CSMD3: variants seen among roughly 807,000 people sequenced by gnomAD.
CSMD3 encodes the protein CUB and sushi domain-containing protein 3.
In CSMD3, 177 loss-of-function variants were observed where a neutral mutation model predicts 435.2. The ratio of observed to expected loss-of-function variants is 0.41; its 90% CI spans 0.36 to 0.46. CSMD3 has a LOEUF of 0.46. CSMD3 is among the 20% of genes least tolerant of loss of function. The pLI, the probability that CSMD3 is intolerant of heterozygous loss-of-function variation, is 0.34. For synonymous variants in CSMD3, 1,656 were observed against 1,520.5 expected, an observed-to-expected ratio of 1.09 and a Z score of -2.07; for missense variants, 4,265 against 4,504.6, an observed-to-expected ratio of 0.95 and a Z score of 1.52.
intron 3 of CSMD3, among the ~76,000 whole-genome samples, chr8:113,210,173 C>A (rs1274258694): frequency 6.6e-6 from 1 of 151,976 alleles, no homozygotes. Flanking sequence ...CAAAAAAATC[C>A]TCTCTCTGAC....
rs2129724051 is a variant in CSMD3 at position 112,390,733 on chromosome 8, G to A, written c.5865C>T (p.Tyr1955=). The A allele has an allele frequency of 1.2e-6, 2 of 1,612,124 alleles. No homozygotes were observed. Among genetic ancestry groups the A allele is most frequent in the South Asian group, 2.2e-5 (2 of 91,040 alleles). Residue 1955 remains tyrosine, a synonymous_variant, in exon 36 of 71, where the codon TAC becomes TAT. Transcript: ENST00000297405. ...TCAGATTGTTGTCATAAGGCTCAGG[G>A]TATCCAGGTGACAAAATAGTCCCTT... The part of the protein sequence containing the change: ...KRKGTILSPG[Y]PEPYDNNLNC...
At chr8:113,092,417 C>T (rs1238221641) in intron 5 of CSMD3, among the ~76,000 whole-genome samples, 3 of 152,030 alleles carry the variant, frequency 2.0e-5, no homozygotes, top group Non-Finnish European at 4.4e-5. Flanking sequence ...GCTAGTTATC[C>T]TCTAACACCT....
chr8:112,908,900 CT>C (rs1234892456), intron 10 of CSMD3, among the ~76,000 whole-genome samples: 1 of 151,436 alleles, frequency 6.6e-6, no homozygotes, highest in Non-Finnish European at 1.5e-5. Flanking sequence ...TAGAAATAAA[CT>C]TTAGCTAGAA....
intron 30 of CSMD3, among the ~76,000 whole-genome samples, chr8:112,498,948 G>A (rs550313244): frequency 1.4e-4 from 22 of 152,232 alleles, no homozygotes; most frequent in African/African-American, 4.8e-4. Context: ...CAATCAAGTA[G>A]CAAACTGAAT....
At chr8:112,258,676 G>A (rs758940286) in intron 61 of CSMD3, among the ~76,000 whole-genome samples, 25 of 152,160 alleles carry the variant, frequency 1.6e-4, no homozygotes, top group Admixed American at 5.9e-4. Context: ...TACACTGTTG[G>A]TGGGAATGTA....
rs1311199077 is a variant in CSMD3, at chr8:112,341,544, A to G, written c.6585T>C (p.His2195=). The G allele has an allele frequency of 1.2e-6, 2 of 1,613,380 alleles. No homozygotes were observed. The highest frequency in any genetic ancestry group is 2.2e-5 in the East Asian group (1 of 44,850). ...QIPSSLFSTT[H]ETSLYFHSDY... The stretch of plus-strand genomic sequence containing the variant: ...CACTGTGAAAATATAAGCTGGTTTC[A>G]TGGGTGGTGCTGAATAAGGAAGATG... The change falls in exon 42 of 71, where the codon CAT becomes CAC. Residue 2195 remains histidine, a synonymous_variant. Transcript: ENST00000297405.
chr8:112,899,070 A>C (rs2082029238), intron 10 of CSMD3, among the ~76,000 whole-genome samples: 1 of 151,266 alleles, frequency 6.6e-6, no homozygotes, highest in African/African-American at 2.4e-5. Flanking sequence ...CAAATAAGCC[A>C]CAACTCGGAC....
At chr8:112,598,445 A>C (rs1250082988) in intron 22 of CSMD3, among the ~76,000 whole-genome samples, 2 of 148,630 alleles carry the variant, frequency 1.3e-5, no homozygotes, top group Non-Finnish European at 3.0e-5. Flanking sequence ...CATACTGCCC[A>C]AGGTAATTTA....
At chr8:112,355,047 C>T (rs1347088215) in intron 38 of CSMD3, among the ~76,000 whole-genome samples, 2 of 152,104 alleles carry the variant, frequency 1.3e-5, no homozygotes, top group African/African-American at 4.8e-5. Flanking sequence ...GAAATAAATC[C>T]ACACATCCAC....
At chr8:112,506,938 A>G (rs1239915613) in intron 28 of CSMD3, 109 bp from the exon 29 acceptor site, 2 of 953,020 alleles carry the variant, frequency 2.1e-6, no homozygotes, top group Admixed American at 4.1e-5. Context: ...CTTTGTACAG[A>G]CCTGAATTTT....
intron 4 of CSMD3, among the ~76,000 whole-genome samples, chr8:113,127,594 A>T (rs565536530): frequency 6.6e-6 from 1 of 152,042 alleles, no homozygotes. Context: ...ACTTCTCCAC[A>T]TCACCAGGTT....
chr8:112,474,315 G>T lies in CSMD3; in HGVS notation c.5279-1608C>A, dbSNP rs753717854. Among the ~76,000 whole-genome samples, 4 of 152,236 alleles carry T rather than the reference G, an allele frequency of 2.6e-5. No homozygotes were observed. The East Asian group carries it at 5.8e-4, about 22-fold the overall frequency. On this transcript the variant is annotated intron_variant, in intron 31 of 70. Coordinates refer to ENST00000297405, the MANE Select transcript of CSMD3 (RefSeq NM_198123.2). Reference sequence around the variant, plus strand: ...GAACTAGAGTGGGGAGGGGGCAAGTGGGGGAGGCTAGATTATAGATGGATG... The same window carrying T: ...GAACTAGAGTGGGGAGGGGGCAAGTTGGGGAGGCTAGATTATAGATGGATG...
intron 32 of CSMD3, among the ~76,000 whole-genome samples, chr8:112,428,610 T>C (rs1223985107): frequency 1.3e-5 from 2 of 152,148 alleles, no homozygotes; most frequent in Non-Finnish European, 2.9e-5. Flanking sequence ...AGGAGTCCAA[T>C]ACATTAGCAA....
intron 32 of CSMD3, among the ~76,000 whole-genome samples, chr8:112,435,069 A>AAT (rs2130440013): frequency 6.6e-6 from 1 of 152,206 alleles, no homozygotes; most frequent in African/African-American, 2.4e-5. Flanking sequence ...TGGCAATCAA[A>AAT]ATAGCACTGA....
chr8:112,608,900 GA>G (rs1263874729), intron 22 of CSMD3, among the ~76,000 whole-genome samples: 1 of 151,650 alleles, frequency 6.6e-6, no homozygotes, highest in Non-Finnish European at 1.5e-5. Context: ...ACTTCTAATA[GA>G]AAACAGAAAA....
intron 6 of CSMD3, among the ~76,000 whole-genome samples, chr8:113,010,932 C>T (rs528365130): frequency 6.6e-5 from 10 of 151,408 alleles, no homozygotes; most frequent in South Asian, 2.1e-4. Context: ...AATCCTGTGA[C>T]GATTTATTAA....
chr8:112,716,692 T>C (rs1462197502), intron 13 of CSMD3, among the ~76,000 whole-genome samples: 1 of 152,132 alleles, frequency 6.6e-6, no homozygotes, highest in Non-Finnish European at 1.5e-5. Context: ...AAGGCTACGA[T>C]TACCAAAACA....
At chr8:113,021,595 A>C (rs563358265) in intron 5 of CSMD3, among the ~76,000 whole-genome samples, 3 of 152,326 alleles carry the variant, frequency 2.0e-5, no homozygotes, top group African/African-American at 7.2e-5. Flanking sequence ...AATCGGCTCC[A>C]CAAGGACATT....
chr8:112,531,535 G>A (rs1563666632), intron 27 of CSMD3, among the ~76,000 whole-genome samples: 1 of 152,030 alleles, frequency 6.6e-6, no homozygotes, highest in East Asian at 1.9e-4. Flanking sequence ...GTAAAGAGAC[G>A]AAAGTGAGTG....
Sources: gnomAD v4.1 joint callset for allele counts (sites outside exome capture counted in the v4.1 genomes callset) on GRCh38, gnomAD v4.1.1 for gene constraint, MANE v1.5 for transcripts, NCBI Gene and HGNC (gene_info 2026-07-23, HGNC 2026-07-21) for gene names.